The following ASIC2 variants were observed in gnomAD, a reference collection of about 807,000 sequenced individuals.
ASIC2 encodes the protein acid-sensing ion channel 2.
In ASIC2, 25 loss-of-function variants were observed where a neutral mutation model predicts 57.3. That is an observed-to-expected ratio of 0.44 (90% CI 0.32 to 0.61). The LOEUF (loss-of-function observed/expected upper bound fraction) is 0.61. ASIC2 is among the 20% of genes least tolerant of loss of function. The pLI is 0.06. For synonymous variants in ASIC2, 319 were observed against 307.5 expected (o/e 1.04, Z -0.39); for missense variants, 641 against 738.1 (o/e 0.87, Z 1.52).
intron 1 of ASIC2, among the ~76,000 whole-genome samples, chr17:33,454,476 A>G (rs1408143761): frequency 6.6e-6 from 1 of 152,240 alleles, no homozygotes; most frequent in Non-Finnish European, 1.5e-5. Flanking sequence ...CAGTACTTCC[A>G]AATTCCCTTT....
intron 1 of ASIC2, among the ~76,000 whole-genome samples, chr17:33,126,916 G>C (rs1489830512): frequency 1.6e-5 from 2 of 126,174 alleles, no homozygotes; most frequent in Admixed American, 1.8e-4. Flanking sequence ...GCGGGACTGC[G>C]GACTGCAGTG....
intron 1 of ASIC2, among the ~76,000 whole-genome samples, chr17:33,325,907 C>T (rs1907059625): frequency 1.3e-5 from 2 of 152,204 alleles, no homozygotes; most frequent in East Asian, 3.9e-4. Flanking sequence ...GGGCTGGTAA[C>T]ATCACTACTG....
intron 1 of ASIC2, among the ~76,000 whole-genome samples, chr17:33,954,682 C>T (rs185922742): frequency 1.1e-3 from 174 of 152,328 alleles, no homozygotes; most frequent in African/African-American, 3.8e-3. Context: ...TCTGACTTCA[C>T]CCCCAGCTCT....
At chr17:33,473,444 C>A (rs1269579987) in intron 1 of ASIC2, among the ~76,000 whole-genome samples, 1 of 152,202 alleles carries the variant, frequency 6.6e-6, no homozygotes, top group Non-Finnish European at 1.5e-5. Context: ...AGACAAGGCA[C>A]CCCCTGAGCC....
At chr17:34,074,782 C>CTTTTTTTTTT (rs35010578) in intron 1 of ASIC2, among the ~76,000 whole-genome samples, 9 of 113,938 alleles carry the variant, frequency 7.9e-5, no homozygotes, top group African/African-American at 1.1e-4. Flanking sequence ...TTCTTTCTTT[C>CTTTTTTTTTT]TTTTTTTTTT....
chr17:33,997,005 T>C (rs1906181612), intron 1 of ASIC2, among the ~76,000 whole-genome samples: 1 of 152,204 alleles, frequency 6.6e-6, no homozygotes, highest in South Asian at 2.1e-4. Flanking sequence ...ATCTTTTCAT[T>C]TATTTGTGTC....
At chr17:33,964,643 T>G (rs1386845042) in intron 1 of ASIC2, among the ~76,000 whole-genome samples, 1 of 152,216 alleles carries the variant, frequency 6.6e-6, no homozygotes. Flanking sequence ...CAGTTCCTCT[T>G]GACAGTATCT....
chr17:33,640,347 C>T (rs1159244997), intron 1 of ASIC2, among the ~76,000 whole-genome samples: 3 of 152,158 alleles, frequency 2.0e-5, no homozygotes, highest in Admixed American at 6.5e-5. Flanking sequence ...TAAGAATGCA[C>T]ACCCACCTTT....
chr17:34,107,222 C>T (rs571223129), intron 1 of ASIC2, among the ~76,000 whole-genome samples: 2 of 152,258 alleles, frequency 1.3e-5, no homozygotes, highest in East Asian at 3.9e-4. Context: ...ACTCTTTTGG[C>T]TTGGCACAGT....
At chr17:34,120,740 T>C (rs1260225413) in intron 1 of ASIC2, among the ~76,000 whole-genome samples, 4 of 106,714 alleles carry the variant, frequency 3.7e-5, no homozygotes, top group South Asian at 6.9e-4. Context: ...TTTTTTTTTC[T>C]TTTTTTTTTT....
At chr17:33,579,300 A>T (rs112923428) in intron 1 of ASIC2, among the ~76,000 whole-genome samples, 2 of 150,978 alleles carry the variant, frequency 1.3e-5, no homozygotes, top group Non-Finnish European at 1.5e-5. Context: ...AAAAAAAAAA[A>T]AAAATGCAGG....
At chr17:33,437,864 A>G (rs1911681519) in intron 1 of ASIC2, among the ~76,000 whole-genome samples, 1 of 151,996 alleles carries the variant, frequency 6.6e-6, no homozygotes, top group Admixed American at 6.6e-5. Flanking sequence ...TATCATATGG[A>G]CTCCCACCTT....
chr17:33,557,228 CT>C (rs1336345129), intron 1 of ASIC2, among the ~76,000 whole-genome samples: 4 of 150,076 alleles, frequency 2.7e-5, no homozygotes, highest in African/African-American at 1.0e-4. Context: ...TATCTAGTCC[CT>C]AGCAAGTAAG....
chr17:34,039,194 C>T, intron 1 of ASIC2: 1 of 1,613,964 alleles, frequency 6.2e-7, no homozygotes, highest in Non-Finnish European at 8.5e-7. Flanking sequence ...TTCTCTAAGT[C>T]AGAATTCTTA....
rs1190899852 is a variant in ASIC2 at position 33,682,086 on chromosome 17, GTC to G, written c.555+473890_555+473891del. Among the ~76,000 whole-genome samples the G allele has an allele frequency of 3.9e-5, 5 of 127,414 alleles. No individual in the cohort carries two copies. The East Asian group carries it at 1.1e-3, about 28-fold the overall frequency. The allele number at this position is 127,414 out of a possible 152,430, so 83.6% of individuals were successfully genotyped here. On this transcript the variant is annotated intron_variant, in intron 1 of 9. Coordinates refer to the ASIC2 transcript ENST00000359872. ...TTTTTTTTTTTTTTTTTGAGACAGA[GTC>G]TCTCTCTGTTGCCCAGGCTGGAGTG...
chr17:33,478,785 G>A (rs965063270), intron 1 of ASIC2, among the ~76,000 whole-genome samples: 1 of 152,186 alleles, frequency 6.6e-6, no homozygotes, highest in Non-Finnish European at 1.5e-5. Context: ...CAGGTGATAG[G>A]ATTGTGGAGA....
intron 1 of ASIC2, among the ~76,000 whole-genome samples, chr17:33,845,634 A>C (rs1913558465): frequency 6.6e-6 from 1 of 152,184 alleles, no homozygotes; most frequent in Non-Finnish European, 1.5e-5. Context: ...ATGATGGAAT[A>C]ATCGTATTTT....
At chr17:33,995,680 A>T (rs1375329753) in intron 1 of ASIC2, among the ~76,000 whole-genome samples, 1 of 152,046 alleles carries the variant, frequency 6.6e-6, no homozygotes, top group Non-Finnish European at 1.5e-5. Context: ...GTGTATATAC[A>T]CACACACAAA....
intron 1 of ASIC2, among the ~76,000 whole-genome samples, chr17:33,943,675 T>G (rs569744436): frequency 3.0e-4 from 44 of 145,358 alleles, no homozygotes; most frequent in Middle Eastern, 7.1e-3. Flanking sequence ...AAGCCAACAT[T>G]CATTGAATGA....
Sources: allele counts gnomAD v4.1 joint callset (sites outside exome capture counted in the v4.1 genomes callset), GRCh38; gene constraint gnomAD v4.1.1; transcripts MANE v1.5; gene names NCBI Gene and HGNC (gene_info 2026-07-23, HGNC 2026-07-21).